Variants in CSMD3 observed in about 807,000 individuals in gnomAD.
CSMD3 encodes the protein CUB and sushi domain-containing protein 3.
Under a neutral mutation model 435.2 loss-of-function variants are expected in CSMD3, and 177 were observed. The observed-to-expected ratio is 0.41, with a 90% CI of 0.36 to 0.46. The LOEUF (loss-of-function observed/expected upper bound fraction) is 0.46. CSMD3 is among the 20% of genes least tolerant of loss of function. CSMD3 has a pLI of 0.34. For synonymous variants in CSMD3, 1,656 were observed against 1,520.5 expected (o/e 1.09, Z -2.07); for missense variants, 4,265 against 4,504.6 (o/e 0.95, Z 1.52).
At chr8:112,870,444 A>AT (rs555225164) in intron 10 of CSMD3, among the ~76,000 whole-genome samples, 10,027 of 142,114 alleles carry the variant, frequency 0.071, 400 homozygotes, top group Non-Finnish European at 0.095. Context: ...AATTTTTTGC[A>AT]TTTTTTTTTT....
intron 1 of CSMD3, among the ~76,000 whole-genome samples, chr8:113,415,725 C>G (rs935438309): frequency 3.9e-5 from 6 of 152,026 alleles, no homozygotes; most frequent in Non-Finnish European, 8.8e-5. Flanking sequence ...TTCTCCAAAA[C>G]CCATTAAACA....
intron 5 of CSMD3, among the ~76,000 whole-genome samples, chr8:113,072,288 T>C (rs1485391231): frequency 6.6e-6 from 1 of 151,760 alleles, no homozygotes; most frequent in East Asian, 1.9e-4. Flanking sequence ...TTTTCTTTTT[T>C]TTCCTTATCT....
At chr8:112,878,381 C>T (rs998215179) in intron 10 of CSMD3, among the ~76,000 whole-genome samples, 3 of 152,120 alleles carry the variant, frequency 2.0e-5, no homozygotes, top group Non-Finnish European at 4.4e-5. Context: ...CATCTCATGT[C>T]AGTTAGAATG....
intron 10 of CSMD3, among the ~76,000 whole-genome samples, chr8:112,875,323 C>T (rs1215681591): frequency 6.6e-6 from 1 of 152,066 alleles, no homozygotes; most frequent in Non-Finnish European, 1.5e-5. Flanking sequence ...GTGGGTAACC[C>T]AACCTTTCTT....
intron 11 of CSMD3, among the ~76,000 whole-genome samples, chr8:112,847,262 C>G (rs988904664): frequency 2.6e-5 from 4 of 152,034 alleles, no homozygotes; most frequent in Admixed American, 6.6e-5. Flanking sequence ...ATGCATTTGT[C>G]TCTAAACGTG....
chr8:112,266,841 T>C (rs1816996833), intron 59 of CSMD3, among the ~76,000 whole-genome samples: 1 of 152,182 alleles, frequency 6.6e-6, no homozygotes, highest in Non-Finnish European at 1.5e-5. Flanking sequence ...GGGCAGCGAA[T>C]TGGCTAAAAA....
intron 1 of CSMD3, among the ~76,000 whole-genome samples, chr8:113,361,857 T>C (rs1333688216): frequency 6.6e-6 from 1 of 152,158 alleles, no homozygotes; most frequent in Non-Finnish European, 1.5e-5. Context: ...AATATAGTCC[T>C]AATGCAAGCA....
intron 2 of CSMD3, among the ~76,000 whole-genome samples, chr8:113,288,257 C>A (rs545987404): frequency 6.6e-6 from 1 of 151,642 alleles, no homozygotes; most frequent in South Asian, 2.1e-4. Flanking sequence ...ATATAAACCA[C>A]AATCTTCTAG....
chr8:113,384,113 A>T (rs905245164), intron 1 of CSMD3, among the ~76,000 whole-genome samples: 2 of 152,144 alleles, frequency 1.3e-5, no homozygotes, highest in Non-Finnish European at 2.9e-5. Context: ...ACCTGTCTTG[A>T]TACTTTAGCT....
intron 13 of CSMD3, among the ~76,000 whole-genome samples, chr8:112,779,710 C>A (rs896763529): frequency 3.9e-5 from 6 of 152,058 alleles, no homozygotes; most frequent in Admixed American, 6.6e-5. Context: ...GTAGTCAGAT[C>A]AGCCCTATTC....
intron 10 of CSMD3, among the ~76,000 whole-genome samples, chr8:112,894,147 C>A (rs957845339): frequency 1.3e-5 from 2 of 151,384 alleles, no homozygotes; most frequent in African/African-American, 2.4e-5. Flanking sequence ...TTTTTACTTA[C>A]CACTTCAAGT....
chr8:112,274,985 T>C (rs1214587614), intron 59 of CSMD3, among the ~76,000 whole-genome samples: 1 of 145,850 alleles, frequency 6.9e-6, no homozygotes. Flanking sequence ...TACAAGAGCA[T>C]TTGCATAAAG....
chr8:113,156,590 C>G (rs933710612), intron 4 of CSMD3, among the ~76,000 whole-genome samples: 1 of 151,698 alleles, frequency 6.6e-6, no homozygotes, highest in African/African-American at 2.4e-5. Flanking sequence ...GTGGACTACT[C>G]TATTCTGAAG....
At chr8:112,844,793 G>T (rs1383545011) in intron 11 of CSMD3, among the ~76,000 whole-genome samples, 1 of 151,872 alleles carries the variant, frequency 6.6e-6, no homozygotes. Flanking sequence ...GTGCATCTCG[G>T]TTGTTTTAAT....
At chr8:113,076,313 G>T (rs925711320) in intron 5 of CSMD3, among the ~76,000 whole-genome samples, 3 of 151,682 alleles carry the variant, frequency 2.0e-5, no homozygotes, top group Non-Finnish European at 4.4e-5. Flanking sequence ...ATCTTTTGCT[G>T]CCACTGTCAA....
chr8:112,866,598 T>C (rs1490666340), intron 10 of CSMD3, among the ~76,000 whole-genome samples: 1 of 152,172 alleles, frequency 6.6e-6, no homozygotes, highest in Non-Finnish European at 1.5e-5. Context: ...GTTGTTCACC[T>C]GAGAGTTAGT....
chr8:113,355,699 A>T (rs1414134908), intron 1 of CSMD3, among the ~76,000 whole-genome samples: 3 of 135,972 alleles, frequency 2.2e-5, no homozygotes, highest in African/African-American at 8.5e-5. Context: ...TGCCTGAATA[A>T]ATAACTCTTA....
At chr8:112,558,376 A>C (rs939636697) in intron 24 of CSMD3, among the ~76,000 whole-genome samples, 1 of 151,928 alleles carries the variant, frequency 6.6e-6, no homozygotes, top group Non-Finnish European at 1.5e-5. Flanking sequence ...GAATTTGAAC[A>C]AACAGGCTTG....
At chr8:113,379,417 T>C (rs535879816) in intron 1 of CSMD3, among the ~76,000 whole-genome samples, 1 of 152,130 alleles carries the variant, frequency 6.6e-6, no homozygotes, top group Non-Finnish European at 1.5e-5. Flanking sequence ...CCATTGCAAA[T>C]TTATTTGTTC....
Sources: gnomAD v4.1 joint callset for allele counts (sites outside exome capture counted in the v4.1 genomes callset) on GRCh38, gnomAD v4.1.1 for gene constraint, MANE v1.5 for transcripts, NCBI Gene and HGNC (gene_info 2026-07-23, HGNC 2026-07-21) for gene names.